The following COG5 variants were observed in gnomAD, a reference collection of about 807,000 sequenced individuals.
The protein encoded by COG5 is conserved oligomeric Golgi complex subunit 5.
Under a neutral mutation model 110.4 loss-of-function variants are expected in COG5, and 86 were observed. The ratio of observed to expected loss-of-function variants is 0.78; its 90% CI spans 0.65 to 0.93. The LOEUF (loss-of-function observed/expected upper bound fraction) is 0.93, where lower values mean the gene tolerates loss of function less well. Among genes scored for constraint, COG5 ranks in the 40% least tolerant of loss-of-function variants. The pLI, the probability that COG5 is intolerant of heterozygous loss-of-function variation, is 0.00. For synonymous variants in COG5, 360 were observed against 334.6 expected (o/e 1.08, Z -0.83); for missense variants, 1,077 against 987.0 (o/e 1.09, Z -1.22).
At chr7:107,488,518 CAT>C (rs1432879728) in intron 6 of COG5, among the ~76,000 whole-genome samples, 1 of 152,024 alleles carries the variant, frequency 6.6e-6, no homozygotes, top group African/African-American at 2.4e-5. Flanking sequence ...AAGATGAAAA[CAT>C]ATAATAATTA....
chr7:107,236,768 G>T, intron 17 of COG5, 81 bp from the exon 18 acceptor site: 1 of 888,618 alleles, frequency 1.1e-6, no homozygotes, highest in Non-Finnish European at 1.9e-6. Context: ...CCCCACCAAT[G>T]CTGCTATTTC....
At chr7:107,529,375 G>C (rs1801011386) in intron 5 of COG5, among the ~76,000 whole-genome samples, 1 of 152,194 alleles carries the variant, frequency 6.6e-6, no homozygotes. Context: ...CCAGGGAGAG[G>C]ACATTTCCTG....
chr7:107,453,668 T>G (rs1184747950), intron 6 of COG5, among the ~76,000 whole-genome samples: 1 of 152,184 alleles, frequency 6.6e-6, no homozygotes, highest in African/African-American at 2.4e-5. Context: ...TTAACTTATC[T>G]GAAATATCTT....
At chr7:107,240,021 C>G (rs1017368353) in intron 17 of COG5, among the ~76,000 whole-genome samples, 4 of 152,222 alleles carry the variant, frequency 2.6e-5, no homozygotes, top group African/African-American at 9.6e-5. Flanking sequence ...TCTTCTTTCA[C>G]TGCCTTCCCT....
intron 16 of COG5, among the ~76,000 whole-genome samples, chr7:107,254,914 G>A (rs1802770270): frequency 6.6e-6 from 1 of 152,130 alleles, no homozygotes; most frequent in South Asian, 2.1e-4. Context: ...GTATCGTAAT[G>A]TTTTAAAAAG....
rs1047261118 is a variant in COG5 at position 107,348,059 on chromosome 7, G to A, written c.1026+13974C>T. 2.2e-5 allele frequency among the ~76,000 whole-genome samples: 3 copies of A among 138,516 alleles called. No homozygotes were observed. In the South Asian group the frequency reaches 6.8e-4, roughly 31 times the overall value. 90.9% of individuals were successfully genotyped at this position (138,516 alleles called of 152,430 possible). On this transcript the variant is annotated intron_variant, in intron 10 of 21. Coordinates refer to ENST00000297135, the MANE Select transcript of COG5 (RefSeq NM_006348.5). Reference sequence around the variant, plus strand: ...GAGAATCGCTTGAACCTGGGAGGTGGAAGTTGCAGTGACCCGAGACTGCAC... The same window carrying A: ...GAGAATCGCTTGAACCTGGGAGGTGAAAGTTGCAGTGACCCGAGACTGCAC...
At chr7:107,435,022 A>C (rs1794280445) in intron 6 of COG5, among the ~76,000 whole-genome samples, 1 of 152,100 alleles carries the variant, frequency 6.6e-6, no homozygotes, top group Admixed American at 6.6e-5. Context: ...ACAGATTATG[A>C]GGACATTATG....
At chr7:107,431,221 T>C (rs1049066020) in intron 6 of COG5, among the ~76,000 whole-genome samples, 1 of 152,198 alleles carries the variant, frequency 6.6e-6, no homozygotes, top group African/African-American at 2.4e-5. Context: ...ATACACCCAA[T>C]ACATCCTAAG....
intron 3 of COG5, chr7:107,549,211 A>G (rs1220394738): frequency 6.6e-6 from 1 of 152,140 alleles, no homozygotes; most frequent in African/African-American, 2.4e-5. Context: ...ATTTTCTTAC[A>G]TCATATTCTC....
intron 21 of COG5, chr7:107,209,729 G>A (rs1018053986): frequency 1.3e-5 from 10 of 759,480 alleles, no homozygotes; most frequent in African/African-American, 1.9e-5. Context: ...GGCTTACTTC[G>A]TATCCTCGGT....
chr7:107,268,235 A>G (rs1388689854), intron 14 of COG5, among the ~76,000 whole-genome samples: 1 of 152,130 alleles, frequency 6.6e-6, no homozygotes, highest in African/African-American at 2.4e-5. Flanking sequence ...CCCAAAGTGC[A>G]GGGATTACAG....
chr7:107,370,695 C>T (rs183600993), intron 8 of COG5, among the ~76,000 whole-genome samples: 9 of 149,046 alleles, frequency 6.0e-5, no homozygotes, highest in Middle Eastern at 3.5e-3. Context: ...CTGAGACAGG[C>T]GAATTGCTTA....
intron 6 of COG5, among the ~76,000 whole-genome samples, chr7:107,417,997 A>C (rs988435544): frequency 6.6e-6 from 1 of 152,160 alleles, no homozygotes; most frequent in African/African-American, 2.4e-5. Context: ...TCAGAACACA[A>C]TCATAAAATT....
At chr7:107,422,554 C>T (rs1793370432) in intron 6 of COG5, among the ~76,000 whole-genome samples, 2 of 151,618 alleles carry the variant, frequency 1.3e-5, no homozygotes, top group African/African-American at 4.9e-5. Context: ...AACTAAAATA[C>T]AAATAAATAA....
At chr7:107,494,615 G>C (rs965526867) in intron 6 of COG5, among the ~76,000 whole-genome samples, 1 of 152,160 alleles carries the variant, frequency 6.6e-6, no homozygotes, top group Non-Finnish European at 1.5e-5. Flanking sequence ...ATCTAGGTTT[G>C]TGTAAATACA....
At chr7:107,248,623 T>G in intron 16 of COG5, 124 bp from the exon 17 acceptor site, 7 of 702,716 alleles carry the variant, frequency 1.0e-5, no homozygotes, top group Non-Finnish European at 1.7e-5. Context: ...GCAGACTAAG[T>G]TAACAGAAGT....
intron 6 of COG5, among the ~76,000 whole-genome samples, chr7:107,517,805 C>G (rs1800040053): frequency 6.6e-6 from 1 of 151,768 alleles, no homozygotes; most frequent in African/African-American, 2.4e-5. Context: ...TCAAGTGATT[C>G]TCCTGCCTCA....
intron 10 of COG5, among the ~76,000 whole-genome samples, chr7:107,330,680 T>C (rs1317420480): frequency 6.6e-6 from 1 of 152,216 alleles, no homozygotes; most frequent in Non-Finnish European, 1.5e-5. Flanking sequence ...TTGACTTAAA[T>C]CCAAGGTCTA....
intron 11 of COG5, among the ~76,000 whole-genome samples, chr7:107,309,771 T>A (rs1347847067): frequency 6.6e-6 from 1 of 152,196 alleles, no homozygotes; most frequent in Non-Finnish European, 1.5e-5. Context: ...TCATTTTCAT[T>A]TTGTTTTATA....
Sources: allele counts gnomAD v4.1 joint callset (sites outside exome capture counted in the v4.1 genomes callset), GRCh38; gene constraint gnomAD v4.1.1; transcripts MANE v1.5; gene names NCBI Gene and HGNC (gene_info 2026-07-23, HGNC 2026-07-21).